The following SYNPO2 variants were observed in gnomAD, a reference collection of about 807,000 sequenced individuals.
SYNPO2 encodes synaptopodin-2.
A neutral mutation model predicts 85.0 loss-of-function variants in SYNPO2; 56 were observed. The ratio of observed to expected loss-of-function variants is 0.66; its 90% CI spans 0.53 to 0.82. The LOEUF (loss-of-function observed/expected upper bound fraction) is 0.82. SYNPO2 is among the 40% of genes least tolerant of loss of function. The pLI, the probability that SYNPO2 is intolerant of heterozygous loss-of-function variation, is 0.00. For missense variants in SYNPO2, 1,575 were observed against 1,534.2 expected, an observed-to-expected ratio of 1.03 and a Z score of -0.44; for synonymous variants, 602 against 591.1, an observed-to-expected ratio of 1.02 and a Z score of -0.27.
chr4:118,966,983 C>T (rs933549834), intron 1 of SYNPO2, among the ~76,000 whole-genome samples: 1 of 152,168 alleles, frequency 6.6e-6, no homozygotes, highest in Non-Finnish European at 1.5e-5. Context: ...TATCCAGTTA[C>T]TTAAAATGAC....
chr4:119,023,629 G>T, intron 2 of SYNPO2, 48 bp downstream of exon 2: 1 of 1,579,148 alleles, frequency 6.3e-7, no homozygotes, highest in Admixed American at 1.8e-5. Flanking sequence ...AGCTACATGG[G>T]AATGATTATA....
rs531929608 is a variant in SYNPO2, at chr4:118,968,584, T to C, written c.106-54846T>C. 4.5e-4 allele frequency among the ~76,000 whole-genome samples: 68 copies of C among 152,282 alleles called. No homozygotes were observed. In the South Asian group the frequency reaches 0.013, roughly 30 times the overall value. ...CATTTAGTAAAATTTCTGACCATGA[T>C]ACAGTGATGGGGCAATCTAAGAAGG... On this transcript the variant is annotated intron_variant, in intron 1 of 4. Transcript: ENST00000307142.
intron 4 of SYNPO2, among the ~76,000 whole-genome samples, chr4:119,048,329 A>G (rs1738933830): frequency 6.6e-6 from 1 of 152,238 alleles, no homozygotes; most frequent in African/African-American, 2.4e-5. Context: ...CCACATTTTC[A>G]GTTTATGACA....
intron 1 of SYNPO2, among the ~76,000 whole-genome samples, chr4:118,978,509 G>A (rs1387983): frequency 0.077 from 11,745 of 152,016 alleles, 576 homozygotes; most frequent in East Asian, 0.13. Flanking sequence ...CCTTATCCTC[G>A]TCACCAGTTG....
chr4:118,886,473 A>T (rs969702677), upstream of SYNPO2, among the ~76,000 whole-genome samples: 1 of 151,764 alleles, frequency 6.6e-6, no homozygotes, highest in Non-Finnish European at 1.5e-5. Context: ...TCATTGTTCA[A>T]CTCCCACTTA....
chr4:118,945,644 A>G (rs1464557053), intron 1 of SYNPO2, among the ~76,000 whole-genome samples: 1 of 152,222 alleles, frequency 6.6e-6, no homozygotes, highest in Non-Finnish European at 1.5e-5. Context: ...CCTCAAAACT[A>G]GGGTACTATA....
intron 1 of SYNPO2, among the ~76,000 whole-genome samples, chr4:118,866,809 G>C (rs1357059221): frequency 6.6e-6 from 1 of 152,150 alleles, no homozygotes; most frequent in Non-Finnish European, 1.5e-5. Context: ...AGCCACGACT[G>C]TAGGTTTCAT....
chr4:118,853,991 CT>C (rs1041489261), intron 1 of SYNPO2, among the ~76,000 whole-genome samples: 1 of 152,030 alleles, frequency 6.6e-6, no homozygotes, highest in African/African-American at 2.4e-5. Context: ...GTTGTCAATG[CT>C]TTTTTAAAAA....
chr4:118,943,203 A>AC (rs1054148647), intron 1 of SYNPO2, among the ~76,000 whole-genome samples: 1 of 152,216 alleles, frequency 6.6e-6, no homozygotes, highest in African/African-American at 2.4e-5. Context: ...CACACAACCA[A>AC]CCATGTCCCC....
intron 2 of SYNPO2, among the ~76,000 whole-genome samples, chr4:119,026,340 G>A (rs370002982): frequency 2.0e-5 from 3 of 152,210 alleles, no homozygotes; most frequent in East Asian, 3.9e-4. Context: ...ACAGATAAAC[G>A]GGATCCATGT....
intron 1 of SYNPO2, among the ~76,000 whole-genome samples, chr4:119,014,177 C>T (rs986005455): frequency 2.0e-5 from 3 of 152,186 alleles, no homozygotes; most frequent in Admixed American, 2.0e-4. Context: ...AATCCCAGCA[C>T]TTTGGGAGGC....
At chr4:118,977,353 T>C (rs991518346) in intron 1 of SYNPO2, among the ~76,000 whole-genome samples, 19 of 152,298 alleles carry the variant, frequency 1.2e-4, no homozygotes, top group Middle Eastern at 3.4e-3. Context: ...GTGCGGGGCC[T>C]GCCAACCCCA....
chr4:118,925,654 G>C (rs188617051), intron 1 of SYNPO2, among the ~76,000 whole-genome samples: 117 of 152,120 alleles, frequency 7.7e-4, no homozygotes, highest in African/African-American at 2.4e-3. Context: ...ATCCTAATAG[G>C]GTTCCTGAAG....
chr4:119,031,274 A>G lies in SYNPO2; in HGVS notation c.2499A>G (p.Ala833=), dbSNP rs1313805067. 3.7e-6 allele frequency: 6 copies of G among 1,614,208 alleles called. No individual in the cohort carries two copies. In the South Asian group the frequency reaches 5.5e-5, roughly 15 times the overall value. Residue 833 remains alanine, a synonymous_variant, in exon 4 of 5, where the codon GCA becomes GCG. Transcript: ENST00000307142. ...NVAGPFKGPQ[A]AVASQNYTPK... ...CTGGTCCCTTCAAAGGACCACAAGC[A>G]GCAGTAGCCAGTCAGAATTACACAC...
chr4:118,916,470 G>A (rs1733328110), intron 1 of SYNPO2, among the ~76,000 whole-genome samples: 1 of 151,904 alleles, frequency 6.6e-6, no homozygotes, highest in Non-Finnish European at 1.5e-5. Flanking sequence ...ACAGAGCCTG[G>A]CCTATTTTTT....
Position 119,060,093 on chromosome 4 carries a change from T to C in SYNPO2, c.*2159T>C, listed in dbSNP as rs796618054. ...TTGGCTTGCCAGGGCCACGTTCTACTTCATTGCTTTCTTTTATAAGTGCAA... is the reference window on the plus strand; with the variant it reads ...TTGGCTTGCCAGGGCCACGTTCTACCTCATTGCTTTCTTTTATAAGTGCAA... On this transcript the variant is annotated 3_prime_UTR_variant, in exon 5 of 5. Transcript: ENST00000307142. The C allele has an allele frequency of 7.9e-5, 12 of 152,308 alleles. No individual in the cohort carries two copies. The highest frequency in any genetic ancestry group is 2.6e-4 in the African/African-American group (11 of 41,584). 9.4% of individuals were successfully genotyped at this position (152,308 alleles called of 1,614,324 possible). A position where few individuals can be genotyped will look rare whatever the true frequency, so the allele number is the denominator to read the frequency against.
intron 1 of SYNPO2, among the ~76,000 whole-genome samples, chr4:118,924,063 G>C (rs562174481): frequency 6.6e-6 from 1 of 152,274 alleles, no homozygotes; most frequent in South Asian, 2.1e-4. Flanking sequence ...AGATACATCA[G>C]ATTTACACAT....
rs373144800 is a variant in SYNPO2 at position 118,900,703 on chromosome 4, C to CTATATATA, written c.105+11584_105+11591dup. The stretch of plus-strand genomic sequence containing the variant: ...TCTCTCTCTCTCTCTCTCTCTCTCT[C>CTATATATA]TATATATATATATATATATATATAT... On this transcript the variant is annotated intron_variant, in intron 1 of 4. Coordinates refer to ENST00000307142, the MANE Select transcript of SYNPO2 (RefSeq NM_133477.3). Among the ~76,000 whole-genome samples, 193 of 43,798 alleles carry CTATATATA rather than the reference C, an allele frequency of 4.4e-3. 3 individuals carry two copies. The highest frequency in any genetic ancestry group is 0.014 in the Middle Eastern group (1 of 70). 28.7% of individuals were successfully genotyped at this position (43,798 alleles called of 152,430 possible).
chr4:118,960,477 T>C (rs909018507), intron 1 of SYNPO2, among the ~76,000 whole-genome samples: 1 of 152,150 alleles, frequency 6.6e-6, no homozygotes, highest in African/African-American at 2.4e-5. Flanking sequence ...TGTAAAATTG[T>C]AAAATTAGTT....
Sources: gnomAD v4.1 joint callset for allele counts (sites outside exome capture counted in the v4.1 genomes callset) on GRCh38, gnomAD v4.1.1 for gene constraint, MANE v1.5 for transcripts, NCBI Gene and HGNC (gene_info 2026-07-23, HGNC 2026-07-21) for gene names.